Variants in FUCA2 observed in about 807,000 individuals in gnomAD.
The protein encoded by FUCA2 is plasma alpha-L-fucosidase.
FUCA2 carries 41 observed loss-of-function variants against 52.6 expected under a neutral mutation model. That is an observed-to-expected ratio of 0.78 (90% CI 0.61 to 1.01). The LOEUF is 1.01. Ranked by LOEUF, FUCA2 falls within the 50% of genes least tolerant of loss-of-function variation. FUCA2 has a pLI of 0.00. For missense variants in FUCA2, 507 were observed against 569.5 expected, an observed-to-expected ratio of 0.89 and a Z score of 1.12; for synonymous variants, 211 against 217.3, an observed-to-expected ratio of 0.97 and a Z score of 0.26.
At position 143,497,210 on chromosome 6, in the gene FUCA2, C is replaced by T. The variant is rs552264925; in HGVS notation, c.1263+179G>A. On this transcript the variant is annotated intron_variant, in intron 6 of 6. Coordinates refer to ENST00000002165, the MANE Select transcript of FUCA2 (RefSeq NM_032020.5). This position sits in a 1 kb window ranked among gnomAD's most constrained non-coding sequence, Gnocchi z 5.3. ...CTTCTGGCCTCAAGACATCCTCCTG[C>T]CTTAGCCTCCCAAAGTGCTGGAATT... 2 of 560,524 alleles carry T rather than the reference C, an allele frequency of 3.6e-6. No individual in the cohort carries two copies. Among genetic ancestry groups the T allele is most frequent in the South Asian group, 4.2e-5 (2 of 48,090 alleles). The allele number at this position is 560,524 out of a possible 1,614,324, so 34.7% of individuals were successfully genotyped here.
At position 143,502,676 on chromosome 6, in the gene FUCA2, G is replaced by T. The variant is rs1780547319; in HGVS notation, c.753-111C>A. 3.3e-6 allele frequency: 3 copies of T among 897,964 alleles called. No individual in the cohort carries two copies. The highest frequency in any genetic ancestry group is 5.0e-6 in the Non-Finnish European group (3 of 597,214). 55.6% of individuals were successfully genotyped at this position (897,964 alleles called of 1,614,324 possible). A position where few individuals can be genotyped will look rare whatever the true frequency, so the allele number is the denominator to read the frequency against. On this transcript the variant is annotated intron_variant, in intron 3 of 6. Coordinates refer to ENST00000002165, the MANE Select transcript of FUCA2 (RefSeq NM_032020.5). This position sits in a 1 kb window ranked among gnomAD's most constrained non-coding sequence, Gnocchi z 4.1. ...AATACAATTCTGAAAAGGGACCATG[G>T]CATAGTACAGTGGAAAGCCCATGGT...
rs1336559973 is a variant in FUCA2, at chr6:143,499,046, GATGGGAAAGACC to G, written c.1155-1561_1155-1550del. ...AAAGGATGAAGCTGCCGTTAACTGA[GATGGGAAAGACC>G]ATGGGTGGAGCTAGTTGATAGCAAA... On this transcript the variant is annotated intron_variant, in intron 5 of 6. Transcript: ENST00000002165. This position sits in a 1 kb window ranked among gnomAD's most constrained non-coding sequence, Gnocchi z 6.0. 6.6e-6 allele frequency among the ~76,000 whole-genome samples: 1 copy of G among 152,218 alleles called. No individual in the cohort carries two copies. Among genetic ancestry groups the G allele is most frequent in the Non-Finnish European group, 1.5e-5 (1 of 68,034 alleles).
At chr6:143,498,121 T>TA (rs2128421506) in intron 5 of FUCA2, among the ~76,000 whole-genome samples, 1 of 151,702 alleles carries the variant, frequency 6.6e-6, no homozygotes, top group South Asian at 2.1e-4. Context: ...ATCTGAGACT[T>TA]AAAGGATGAA....
Position 143,504,364 on chromosome 6 carries a change from G to T in FUCA2, c.413-112C>A, listed in dbSNP as rs1780572294. 2.3e-6 allele frequency: 2 copies of T among 862,864 alleles called. No homozygotes were observed. Among genetic ancestry groups the T allele is most frequent in the Non-Finnish European group, 3.6e-6 (2 of 561,208 alleles). The allele number at this position is 862,864 out of a possible 1,614,324, so 53.5% of individuals were successfully genotyped here. A position where few individuals can be genotyped will look rare whatever the true frequency, so the allele number is the denominator to read the frequency against. On this transcript the variant is annotated intron_variant, in intron 2 of 6. Transcript: ENST00000002165. This position sits in a 1 kb window ranked among gnomAD's most constrained non-coding sequence, Gnocchi z 4.4. ...TAGTACATGCGATATATAAATACCTGCTCCTACAAATGACTGTTTTATGGC... is the reference window on the plus strand; with the variant it reads ...TAGTACATGCGATATATAAATACCTTCTCCTACAAATGACTGTTTTATGGC...
Position 143,504,155 on chromosome 6 carries a change from C to CT in FUCA2, c.509_510insA (p.Asn171GlufsTer4). On this transcript the variant is annotated frameshift_variant, in exon 3 of 7. Coordinates refer to ENST00000002165, the MANE Select transcript of FUCA2 (RefSeq NM_032020.5). LOFTEE classifies it high-confidence loss of function. The surrounding 1 kb of genome is among the most constrained non-coding windows in gnomAD (Gnocchi z 4.4). ...GTCCAAAACGCAGGTCAGTTCTGTTCCTAATGGCTACCTCAAGTTCCTTGA... is the reference window on the plus strand; with the variant it reads ...GTCCAAAACGCAGGTCAGTTCTGTTCTCTAATGGCTACCTCAAGTTCCTTGA... The CT allele has an allele frequency of 6.2e-7, 1 of 1,614,140 alleles. No individual in the cohort carries two copies. The highest frequency in any genetic ancestry group is 8.5e-7 in the Non-Finnish European group (1 of 1,180,026).
rs912292342 is a variant in FUCA2, at chr6:143,511,710, G to A, written c.-76C>T. 3 of 1,326,714 alleles carry A rather than the reference G, an allele frequency of 2.3e-6. No individual in the cohort carries two copies. The highest frequency in any genetic ancestry group is 5.8e-5 in the Admixed American group (2 of 34,286). The allele number at this position is 1,326,714 out of a possible 1,614,324, so 82.2% of individuals were successfully genotyped here. A position where few individuals can be genotyped will look rare whatever the true frequency, so the allele number is the denominator to read the frequency against. On this transcript the variant is annotated 5_prime_UTR_variant, in exon 1 of 7. Transcript: ENST00000002165. The surrounding 1 kb of genome is among the most constrained non-coding windows in gnomAD (Gnocchi z 6.3). ...GCGCTGTTCTTCCGTCTCTGCCGCT[G>A]AGTATGCCGCGCCGCGGTCACCTGA...
Position 143,503,965 on chromosome 6 carries a change from G to C in FUCA2, c.700C>G (p.Pro234Ala), listed in dbSNP as rs1780565135. Residue 234 changes from proline to alanine, a missense_variant, in exon 3 of 7, where the codon CCG becomes GCG. Pro to Ala is a conservative substitution (Grantham distance 27). Transcript: ENST00000002165. This position sits in a 1 kb window ranked among gnomAD's most constrained non-coding sequence, Gnocchi z 4.8. ...VLWSDGDGGA[P>A]DQYWNSTGFL... ...CCTGTGCTGTTCCAGTATTGATCCG[G>C]TGCTCCTCCGTCACCATCCGACCAC... 2 of 1,614,052 alleles carry C rather than the reference G, an allele frequency of 1.2e-6. No homozygotes were observed. The highest frequency in any genetic ancestry group is 1.7e-6 in the Non-Finnish European group (2 of 1,180,004).
intron 2 of FUCA2, chr6:143,505,307 A>ATTTTTTTTTTTTTT: frequency 1.0e-5 from 1 of 96,626 alleles, no homozygotes; most frequent in Non-Finnish European, 2.0e-5. Context: ...CATACTTTCG[A>ATTTTTTTTTTTTTT]TTTTTTTTTT....
In FUCA2 at chr6:143,503,895, A is replaced by G; in HGVS notation, c.752+18T>C. The G allele has an allele frequency of 6.4e-7, 1 of 1,563,820 alleles. No homozygotes were observed. Among genetic ancestry groups the G allele is most frequent in the Non-Finnish European group, 8.7e-7 (1 of 1,145,132 alleles). ...AGGAATATGGAGGGTAACTGCAGCA[A>G]TCTCATAGCATACACACCTTTCATT... On this transcript the variant is annotated intron_variant, in intron 3 of 6. Coordinates refer to ENST00000002165, the MANE Select transcript of FUCA2 (RefSeq NM_032020.5). This position sits in a 1 kb window ranked among gnomAD's most constrained non-coding sequence, Gnocchi z 4.8.
In FUCA2 at chr6:143,497,235, T is replaced by TA; in HGVS notation, c.1263+153dup. The TA allele has an allele frequency of 1.6e-6, 1 of 609,704 alleles. No individual in the cohort carries two copies. Among genetic ancestry groups the TA allele is most frequent in the Admixed American group, 2.6e-5 (1 of 38,016 alleles). 37.8% of individuals were successfully genotyped at this position (609,704 alleles called of 1,614,324 possible). ...CCTTAGCCTCCCAAAGTGCTGGAAT[T>TA]ACAGTGTGAGCCACAATGCTTGGCT... is the stretch of plus-strand genomic sequence containing the variant. On this transcript the variant is annotated intron_variant, in intron 6 of 6. Transcript: ENST00000002165. This position sits in a 1 kb window ranked among gnomAD's most constrained non-coding sequence, Gnocchi z 5.3.
chr6:143,495,734 C>A lies in FUCA2; in HGVS notation c.1377G>T (p.Trp459Cys). 6.2e-7 allele frequency: 1 copy of A among 1,614,056 alleles called. No individual in the cohort carries two copies. Residue 459 changes from tryptophan (W) to cysteine (C), a missense_variant, in exon 7 of 7, where the codon TGG becomes TGT. Physicochemically the swap from Trp to Cys is radical, Grantham distance 215. Transcript: ENST00000002165. The surrounding 1 kb of genome is among the most constrained non-coding windows in gnomAD (Gnocchi z 5.2). ...TIHQMPCKWG[W>C]ALALTNVI is the part of the protein sequence containing the mutation. Reference sequence around the variant, plus strand: ...AGATCACATTAGTCAGGGCTAGAGCCCAGCCCCATTTACACGGCATCTGAT... The same window carrying A: ...AGATCACATTAGTCAGGGCTAGAGCACAGCCCCATTTACACGGCATCTGAT...
Position 143,509,282 on chromosome 6 carries a change from T to C in FUCA2, c.225-1858A>G, listed in dbSNP as rs1300506637. Among the ~76,000 whole-genome samples the C allele has an allele frequency of 2.0e-5, 3 of 152,158 alleles. No homozygotes were observed. Among genetic ancestry groups the C allele is most frequent in the Admixed American group, 6.5e-5 (1 of 15,276 alleles). On this transcript the variant is annotated intron_variant, in intron 1 of 6. Transcript: ENST00000002165. This position sits in a 1 kb window ranked among gnomAD's most constrained non-coding sequence, Gnocchi z 5.4. The stretch of plus-strand genomic sequence containing the variant: ...TACTGTTGATTCCCCGAAAGTCAAA[T>C]TGAGAGTGAGGAGCAGAGGATACAA...
chr6:143,506,884 T>C (rs903759873), intron 2 of FUCA2: 1 of 257,006 alleles, frequency 3.9e-6, no homozygotes, highest in Non-Finnish European at 7.3e-6. Context: ...ATTCACAGGA[T>C]GCATTACAGA....
At position 143,495,709 on chromosome 6, in the gene FUCA2, A is replaced by G; in HGVS notation, c.1402T>C (p.Ter468GlnextTer34). 1 of 1,613,504 alleles carries G rather than the reference A, an allele frequency of 6.2e-7. No individual in the cohort carries two copies. The change falls in exon 7 of 7, where the codon TAA becomes CAA. Residue 468 changes from the stop codon to glutamine (Q), a stop_lost. Coordinates refer to ENST00000002165, the MANE Select transcript of FUCA2 (RefSeq NM_032020.5). The surrounding 1 kb of genome is among the most constrained non-coding windows in gnomAD (Gnocchi z 5.2). The stretch of plus-strand genomic sequence containing the variant: ...AGCATCAGCCACTCTGCTGCACTTT[A>G]GATCACATTAGTCAGGGCTAGAGCC... ...GWALALTNVI[*>Q]
chr6:143,504,474 G>C lies in FUCA2; in HGVS notation c.413-222C>G, dbSNP rs1780573594. On this transcript the variant is annotated intron_variant, in intron 2 of 6. Coordinates refer to ENST00000002165, the MANE Select transcript of FUCA2 (RefSeq NM_032020.5). This position sits in a 1 kb window ranked among gnomAD's most constrained non-coding sequence, Gnocchi z 4.4. ...GACAGGTTTTTAAAAGCAACTTTCA[G>C]GGTATATCACTGTACGGTCTGATCT... The C allele has an allele frequency of 5.5e-6, 3 of 541,074 alleles. No individual in the cohort carries two copies. The highest frequency in any genetic ancestry group is 9.9e-6 in the Non-Finnish European group (3 of 303,434). 33.5% of individuals were successfully genotyped at this position (541,074 alleles called of 1,614,324 possible).
chr6:143,507,141 G>A lies in FUCA2; in HGVS notation c.412+96C>T. On this transcript the variant is annotated intron_variant, in intron 2 of 6. Transcript: ENST00000002165. The surrounding 1 kb of genome is among the most constrained non-coding windows in gnomAD (Gnocchi z 4.5). ...AGTCACCACTTATGGTTGCTCCGAA[G>A]AGAAAATTAGACCTTGCTTTAGTTT... The A allele has an allele frequency of 8.4e-7, 1 of 1,194,342 alleles. No homozygotes were observed. The highest frequency in any genetic ancestry group is 2.2e-4 in the Middle Eastern group (1 of 4,642). 74.0% of individuals were successfully genotyped at this position (1,194,342 alleles called of 1,614,324 possible). A position where few individuals can be genotyped will look rare whatever the true frequency, so the allele number is the denominator to read the frequency against.
In FUCA2 at chr6:143,500,086, T is replaced by C. The variant is rs191538024; in HGVS notation, c.1154+1846A>G. 8.2e-4 allele frequency among the ~76,000 whole-genome samples: 124 copies of C among 152,084 alleles called. No homozygotes were observed. The highest frequency in any genetic ancestry group is 2.7e-3 in the African/African-American group (114 of 41,506). ...TGTGTGTGTTTCCATAGTTAACAGT[T>C]AGCTGTCCAGAAGCAGGCATGGAAT... On this transcript the variant is annotated intron_variant, in intron 5 of 6. Coordinates refer to ENST00000002165, the MANE Select transcript of FUCA2 (RefSeq NM_032020.5). The surrounding 1 kb of genome is among the most constrained non-coding windows in gnomAD (Gnocchi z 6.9).
rs1276517698 is a variant in FUCA2, at chr6:143,499,534, T to C, written c.1155-2037A>G. On this transcript the variant is annotated intron_variant, in intron 5 of 6. Coordinates refer to ENST00000002165, the MANE Select transcript of FUCA2 (RefSeq NM_032020.5). The surrounding 1 kb of genome is among the most constrained non-coding windows in gnomAD (Gnocchi z 6.0). The stretch of plus-strand genomic sequence containing the variant: ...TCGCACCAGTGCACTCAAAAAAAGA[T>C]AGAGAAGAATGGAAGTCCAAAGACT... Among the ~76,000 whole-genome samples, 2 of 151,964 alleles carry C rather than the reference T, an allele frequency of 1.3e-5. No homozygotes were observed. Among genetic ancestry groups the C allele is most frequent in the Non-Finnish European group, 1.5e-5 (1 of 67,976 alleles).
Position 143,504,292 on chromosome 6 carries a change from T to C in FUCA2, c.413-40A>G, listed in dbSNP as rs889678847. 1.3e-6 allele frequency: 2 copies of C among 1,526,832 alleles called. No individual in the cohort carries two copies. Among genetic ancestry groups the C allele is most frequent in the Non-Finnish European group, 1.8e-6 (2 of 1,125,380 alleles). 94.6% of individuals were successfully genotyped at this position (1,526,832 alleles called of 1,614,324 possible). On this transcript the variant is annotated intron_variant, in intron 2 of 6. Transcript: ENST00000002165. The surrounding 1 kb of genome is among the most constrained non-coding windows in gnomAD (Gnocchi z 4.4). ...TGAAAACCCTTGTAAGCATGTCAAC[T>C]TTATTTTAGTAAATTTCAACCCACA...
Sources: gnomAD v4.1 joint callset for allele counts (sites outside exome capture counted in the v4.1 genomes callset) on GRCh38, gnomAD v4.1.1 for gene constraint, Gnocchi (gnomAD v3.1) non-coding constraint, MANE v1.5 for transcripts, NCBI Gene and HGNC (gene_info 2026-07-23, HGNC 2026-07-21) for gene names.